Variants in JAKMIP3 observed in about 807,000 individuals in gnomAD.
JAKMIP3 encodes Janus kinase and microtubule interacting protein 3.
A neutral mutation model predicts 118.5 loss-of-function variants in JAKMIP3; 58 were observed. That is an observed-to-expected ratio of 0.49 (90% confidence interval 0.40 to 0.61). The LOEUF is 0.61. Among genes scored for constraint, JAKMIP3 ranks in the 20% least tolerant of loss-of-function variants. The pLI, the probability that JAKMIP3 is intolerant of heterozygous loss-of-function variation, is 0.00. For synonymous variants in JAKMIP3, 486 were observed against 451.2 expected (o/e 1.08, Z -0.98); for missense variants, 950 against 1,109.0 (o/e 0.86, Z 2.04).
chr10:132,037,895 G>A (rs767709809), intron 1 of JAKMIP3, among the ~76,000 whole-genome samples: 20 of 152,380 alleles, frequency 1.3e-4, no homozygotes, highest in Non-Finnish European at 1.8e-4. Flanking sequence ...GTAGAGAACA[G>A]CAGTACCAAT....
At chr10:132,137,312 T>TCCCCACGCCTCCGCTC in intron 8 of JAKMIP3, 23 bp downstream of exon 8, 3 of 1,613,410 alleles carry the variant, frequency 1.9e-6, no homozygotes, top group Non-Finnish European at 2.5e-6. Flanking sequence ...AGCGCCCGCT[T>TCCCCACGCCTCCGCTC]CCCCACGCCT....
intron 23 of JAKMIP3, among the ~76,000 whole-genome samples, chr10:132,171,653 T>TTTG (rs1053280875): frequency 5.3e-5 from 3 of 56,526 alleles, no homozygotes; most frequent in African/African-American, 1.8e-4. Context: ...TTTTTCTTTC[T>TTTG]TTTTTTTTTT....
chr10:132,180,622 T>TGCGTGCGCGTGTGTGTGTGCGC (rs1272267258), intron 23 of JAKMIP3, among the ~76,000 whole-genome samples: 1 of 43,038 alleles, frequency 2.3e-5, no homozygotes, highest in African/African-American at 1.4e-4. Context: ...TGTGCGTGTG[T>TGCGTGCGCGTGTGTGTGTGCGC]GTGCGTGTGT....
chr10:132,132,500 G>A (rs910200202), intron 3 of JAKMIP3, among the ~76,000 whole-genome samples: 4 of 152,100 alleles, frequency 2.6e-5, no homozygotes, highest in African/African-American at 4.8e-5. Context: ...CCATATCCCC[G>A]GAAGGAAGGA....
intron 1 of JAKMIP3, among the ~76,000 whole-genome samples, chr10:132,047,104 C>G (rs899372207): frequency 6.6e-6 from 1 of 152,166 alleles, no homozygotes; most frequent in African/African-American, 2.4e-5. Context: ...CCAGGCTAGT[C>G]TTGAACTCCT....
intron 1 of JAKMIP3, among the ~76,000 whole-genome samples, chr10:132,093,769 A>G (rs534678721): frequency 1.1e-4 from 17 of 152,254 alleles, no homozygotes; most frequent in African/African-American, 3.4e-4. Context: ...GACAAGCCCC[A>G]GTGAGATGAA....
intron 23 of JAKMIP3, among the ~76,000 whole-genome samples, chr10:132,169,680 C>A (rs925132505): frequency 1.2e-4 from 18 of 152,230 alleles, no homozygotes; most frequent in Non-Finnish European, 2.2e-4. Flanking sequence ...CACCTCCGAC[C>A]CACACCGTGT....
At chr10:132,133,060 A>G (rs2050945229) in intron 3 of JAKMIP3, among the ~76,000 whole-genome samples, 1 of 152,152 alleles carries the variant, frequency 6.6e-6, no homozygotes, top group Admixed American at 6.5e-5. Flanking sequence ...TGCTGAGCAC[A>G]CAGAGCCCGG....
chr10:132,057,535 G>A (rs1251701155), intron 1 of JAKMIP3, among the ~76,000 whole-genome samples: 1 of 152,212 alleles, frequency 6.6e-6, no homozygotes, highest in African/African-American at 2.4e-5. Flanking sequence ...TGTCAGAACT[G>A]CATGAGATGC....
At chr10:132,125,673 G>A (rs766227969) in intron 3 of JAKMIP3, among the ~76,000 whole-genome samples, 2 of 152,202 alleles carry the variant, frequency 1.3e-5, no homozygotes, top group Non-Finnish European at 1.5e-5. Context: ...GTAAATTTCA[G>A]TGTAGAGGTC....
intron 19 of JAKMIP3, among the ~76,000 whole-genome samples, chr10:132,155,251 T>C (rs1233932783): frequency 6.6e-6 from 1 of 151,752 alleles, no homozygotes; most frequent in Non-Finnish European, 1.5e-5. Flanking sequence ...GTGATGAGGA[T>C]GGTAATGATA....
intron 6 of JAKMIP3, 34 bp downstream of exon 6, chr10:132,136,110 C>T (rs762198221): frequency 3.7e-5 from 60 of 1,606,698 alleles, no homozygotes; most frequent in South Asian, 1.1e-4. Context: ...GGGCCACGGT[C>T]GCACCCGAGC....
At position 132,153,039 on chromosome 10, in the gene JAKMIP3, T is replaced by C; in HGVS notation, c.2073+16T>C. On this transcript the variant is annotated intron_variant, in intron 17 of 23. Coordinates refer to ENST00000684848, the MANE Select transcript of JAKMIP3 (RefSeq NM_001323087.2). ...GGCCGAAAAGGTAACAGCAGCTGTG[T>C]GGACAGTCGGGAGAGGGCCGGGCTC... 1 of 1,599,810 alleles carries C rather than the reference T, an allele frequency of 6.3e-7. No individual in the cohort carries two copies. The highest frequency in any genetic ancestry group is 1.1e-5 in the South Asian group (1 of 88,582).
At chr10:132,181,025 C>T (rs1225460098) in intron 23 of JAKMIP3, among the ~76,000 whole-genome samples, 1 of 151,800 alleles carries the variant, frequency 6.6e-6, no homozygotes, top group Non-Finnish European at 1.5e-5. Context: ...TGTGTATGTG[C>T]TGTTTGCACA....
intron 1 of JAKMIP3, among the ~76,000 whole-genome samples, chr10:132,084,987 T>C (rs2042202511): frequency 6.6e-6 from 1 of 152,244 alleles, no homozygotes; most frequent in East Asian, 1.9e-4. Context: ...AGTATTTTGT[T>C]AAGGATTTTA....
chr10:132,036,825 G>A (rs1030695858), intron 1 of JAKMIP3, among the ~76,000 whole-genome samples: 9 of 151,814 alleles, frequency 5.9e-5, no homozygotes, highest in Non-Finnish European at 2.9e-5. Flanking sequence ...CGGGCGCCCT[G>A]GCGGCCGTGG....
intron 1 of JAKMIP3, among the ~76,000 whole-genome samples, chr10:132,071,016 G>C (rs1431609978): frequency 1.3e-5 from 2 of 152,134 alleles, no homozygotes; most frequent in Non-Finnish European, 2.9e-5. Flanking sequence ...TCCAGTATAA[G>C]CCTTTATTGC....
chr10:132,122,252 T>A (rs2048681947), intron 3 of JAKMIP3, among the ~76,000 whole-genome samples: 1 of 151,210 alleles, frequency 6.6e-6, no homozygotes, highest in Non-Finnish European at 1.5e-5. Flanking sequence ...GGGCCCTGAC[T>A]GCCCCCCGGT....
chr10:132,057,209 G>T (rs1465597167), intron 1 of JAKMIP3, among the ~76,000 whole-genome samples: 1 of 152,178 alleles, frequency 6.6e-6, no homozygotes, highest in African/African-American at 2.4e-5. Flanking sequence ...GGCAACATCT[G>T]GGCGCAACCC....
Sources: gnomAD v4.1 joint callset for allele counts (sites outside exome capture counted in the v4.1 genomes callset) on GRCh38, gnomAD v4.1.1 for gene constraint, MANE v1.5 for transcripts, NCBI Gene and HGNC (gene_info 2026-07-23, HGNC 2026-07-21) for gene names.